Variants in TRPM3 observed in about 807,000 individuals in gnomAD.
TRPM3 encodes the protein long transient receptor potential channel 3.
TRPM3 carries 77 observed loss-of-function variants against 181.2 expected under a neutral mutation model. That is an observed-to-expected ratio of 0.42 (90% confidence interval 0.35 to 0.51). The LOEUF (loss-of-function observed/expected upper bound fraction) is 0.51. TRPM3 is among the 20% of genes least tolerant of loss of function. The probability of loss-of-function intolerance (pLI) is 0.01; values close to 1 mark genes in which losing one functional copy is unlikely to be tolerated. For synonymous variants in TRPM3, 745 were observed against 796.4 expected, an observed-to-expected ratio of 0.94 and a Z score of 1.09; for missense variants, 1,759 against 2,196.7, an observed-to-expected ratio of 0.80 and a Z score of 3.98.
chr9:71,047,406 T>G (rs1429950434), intron 1 of TRPM3, among the ~76,000 whole-genome samples: 1 of 152,134 alleles, frequency 6.6e-6, no homozygotes, highest in South Asian at 2.1e-4. Flanking sequence ...GTAAGAAAAT[T>G]TTAATAATTT....
intron 22 of TRPM3, among the ~76,000 whole-genome samples, chr9:70,567,666 T>C (rs747842104): frequency 8.8e-5 from 13 of 148,294 alleles, no homozygotes; most frequent in East Asian, 1.9e-4. Context: ...ACAAGTCGTA[T>C]AAAAATTGGC....
At chr9:71,445,261 A>C (rs1477134959) in intron 1 of TRPM3, among the ~76,000 whole-genome samples, 1 of 152,244 alleles carries the variant, frequency 6.6e-6, no homozygotes, top group Non-Finnish European at 1.5e-5. Context: ...TATTAAAAAG[A>C]GGATTGAATT....
chr9:71,364,496 AAAG>A (rs2092268457), intron 1 of TRPM3, among the ~76,000 whole-genome samples: 1 of 152,244 alleles, frequency 6.6e-6, no homozygotes, highest in African/African-American at 2.4e-5. Flanking sequence ...AGAGTGATTA[AAAG>A]AAGGTCAGCT....
At chr9:70,687,057 C>T (rs1275334357) in intron 8 of TRPM3, among the ~76,000 whole-genome samples, 3 of 151,930 alleles carry the variant, frequency 2.0e-5, no homozygotes, top group Admixed American at 6.6e-5. Context: ...GGCCTCCCAA[C>T]GTGTTGGGAT....
At chr9:70,560,151 G>T (rs553053508) in intron 22 of TRPM3, among the ~76,000 whole-genome samples, 1 of 152,150 alleles carries the variant, frequency 6.6e-6, no homozygotes, top group Admixed American at 6.5e-5. Flanking sequence ...TGTAAGAAAC[G>T]CATTGTCCTT....
At chr9:71,150,022 T>C (rs1033672744) in intron 1 of TRPM3, among the ~76,000 whole-genome samples, 2 of 151,736 alleles carry the variant, frequency 1.3e-5, no homozygotes, top group Non-Finnish European at 2.9e-5. Flanking sequence ...ACTGAATAAG[T>C]ATACAAATTT....
intron 1 of TRPM3, among the ~76,000 whole-genome samples, chr9:71,182,423 C>G (rs1222465033): frequency 6.6e-6 from 1 of 152,058 alleles, no homozygotes; most frequent in Non-Finnish European, 1.5e-5. Flanking sequence ...TTTAAGACCT[C>G]AAATGAGTGT....
chr9:71,393,967 G>C (rs767794684), intron 1 of TRPM3, among the ~76,000 whole-genome samples: 4 of 152,156 alleles, frequency 2.6e-5, no homozygotes, highest in African/African-American at 9.7e-5. Context: ...GTCTTCAGGA[G>C]GTCTGGAGAC....
intron 1 of TRPM3, among the ~76,000 whole-genome samples, chr9:71,047,909 TTC>T (rs1158690606): frequency 6.6e-6 from 1 of 151,760 alleles, no homozygotes; most frequent in Non-Finnish European, 1.5e-5. Flanking sequence ...GAGTCTTTGA[TTC>T]TCTCATTTAC....
At chr9:71,030,095 A>T (rs1056317809) in intron 1 of TRPM3, among the ~76,000 whole-genome samples, 3 of 152,176 alleles carry the variant, frequency 2.0e-5, no homozygotes, top group African/African-American at 7.2e-5. Flanking sequence ...ATATTAATAT[A>T]TATTCATCGT....
chr9:70,802,703 A>G (rs2089474692), intron 6 of TRPM3, among the ~76,000 whole-genome samples: 1 of 152,142 alleles, frequency 6.6e-6, no homozygotes. Flanking sequence ...CATTCTTGCA[A>G]TTCAGTCCCT....
At chr9:71,285,726 G>T (rs11142777) in intron 1 of TRPM3, among the ~76,000 whole-genome samples, 33,342 of 151,912 alleles carry the variant, frequency 0.22, 4,003 homozygotes, top group African/African-American at 0.29. Flanking sequence ...ACCACCAGTC[G>T]CTGCACACAT....
At chr9:71,034,699 G>A (rs1033955379) in intron 1 of TRPM3, among the ~76,000 whole-genome samples, 3 of 151,786 alleles carry the variant, frequency 2.0e-5, no homozygotes, top group Non-Finnish European at 4.4e-5. Context: ...ATCAGTCATG[G>A]TGGGAGTATT....
chr9:70,663,108 A>G lies in TRPM3; in HGVS notation c.1345+18398T>C, dbSNP rs537547228. Among the ~76,000 whole-genome samples the G allele has an allele frequency of 3.9e-5, 6 of 152,286 alleles. No homozygotes were observed. The South Asian group carries it at 1.0e-3, about 26-fold the overall frequency. ...TTTGCAGCAGCTTGGGTGGAGCTGG[A>G]GGCTATTATTCTAAGTGAAGTAACT... On this transcript the variant is annotated intron_variant, in intron 9 of 25. Coordinates refer to ENST00000677713, the MANE Select transcript of TRPM3 (RefSeq NM_001366145.2).
At chr9:71,079,389 A>T (rs2063905075) in intron 1 of TRPM3, among the ~76,000 whole-genome samples, 2 of 152,164 alleles carry the variant, frequency 1.3e-5, no homozygotes, top group Non-Finnish European at 2.9e-5. Flanking sequence ...AACTTGTGCC[A>T]ATCTTTAAAG....
At chr9:70,546,837 G>A (rs537332889) in intron 25 of TRPM3, among the ~76,000 whole-genome samples, 7 of 152,286 alleles carry the variant, frequency 4.6e-5, no homozygotes, top group African/African-American at 1.7e-4. Flanking sequence ...TGCTCTAGAT[G>A]CATCAGGGTC....
At chr9:71,011,782 G>GTTTTTT in intron 1 of TRPM3, among the ~76,000 whole-genome samples, 1 of 93,240 alleles carries the variant, frequency 1.1e-5, no homozygotes, top group Non-Finnish European at 2.2e-5. Context: ...TTTTTTTTTT[G>GTTTTTT]TTTTTTTGTT....
In TRPM3 at chr9:70,752,588, A is replaced by G. The variant is rs137925336; in HGVS notation, c.1272+9013T>C. The stretch of plus-strand genomic sequence containing the variant: ...AGGCTGCATAATGACGTTTCAGTCA[A>G]TGATGTATTGTGTATGTGACAGTGG... On this transcript the variant is annotated intron_variant, in intron 8 of 25. Coordinates refer to ENST00000677713, the MANE Select transcript of TRPM3 (RefSeq NM_001366145.2). 4.6e-3 allele frequency among the ~76,000 whole-genome samples: 678 copies of G among 147,080 alleles called. 5 individuals carry two copies. The highest frequency in any genetic ancestry group is 0.017 in the Middle Eastern group (5 of 290).
intron 1 of TRPM3, among the ~76,000 whole-genome samples, chr9:71,149,892 G>A (rs1466165988): frequency 6.6e-6 from 1 of 152,006 alleles, no homozygotes; most frequent in Non-Finnish European, 1.5e-5. Flanking sequence ...GTGCCTGGGA[G>A]GTCAAAACTG....
Sources: gnomAD v4.1 joint callset for allele counts (sites outside exome capture counted in the v4.1 genomes callset) on GRCh38, gnomAD v4.1.1 for gene constraint, MANE v1.5 for transcripts, NCBI Gene and HGNC (gene_info 2026-07-23, HGNC 2026-07-21) for gene names.